The following APOD variants were observed in gnomAD, a reference collection of about 807,000 sequenced individuals.
APOD encodes apolipoprotein D, also known as apo-D.
A neutral mutation model predicts 20.4 loss-of-function variants in APOD; 22 were observed. The ratio of observed to expected loss-of-function variants is 1.08; its 90% CI spans 0.77 to 1.54. APOD has a LOEUF of 1.54. Among genes scored for constraint, APOD ranks in the 40% most tolerant of loss-of-function variants. The pLI is 0.00. For missense variants in APOD, 223 were observed against 229.6 expected (o/e 0.97, Z 0.19); for synonymous variants, 97 against 92.4 (o/e 1.05, Z -0.29).
intron 2 of APOD, among the ~76,000 whole-genome samples, chr3:195,578,920 C>T (rs902489669): frequency 3.9e-5 from 6 of 152,222 alleles, no homozygotes; most frequent in African/African-American, 4.8e-5. Context: ...GCCAGCCTCC[C>T]ACCTGAGACC....
At chr3:195,574,562 G>A (rs139297679) in intron 2 of APOD, among the ~76,000 whole-genome samples, 6 of 152,272 alleles carry the variant, frequency 3.9e-5, no homozygotes, top group Admixed American at 6.5e-5. Flanking sequence ...CCTGGCACGC[G>A]TTGCAGGGAG....
chr3:195,579,580 T>TC (rs1720301408), intron 1 of APOD, 85 bp from the exon 2 acceptor site: 3 of 1,433,576 alleles, frequency 2.1e-6, no homozygotes, highest in Non-Finnish European at 2.8e-6. Context: ...GTGCCCATGG[T>TC]CCCCTCTGTG....
intron 4 of APOD, chr3:195,570,994 C>T: frequency 2.1e-6 from 1 of 469,320 alleles, no homozygotes; most frequent in South Asian, 2.5e-5. Flanking sequence ...TGTGCACCTA[C>T]TTGTGTTTCA....
At chr3:195,571,124 T>G (rs971395831) in intron 4 of APOD, 153 bp downstream of exon 4, 1 of 720,932 alleles carries the variant, frequency 1.4e-6, no homozygotes, top group Admixed American at 2.1e-5. Context: ...GCAACCCTAG[T>G]GCGTGACATG....
intron 4 of APOD, chr3:195,570,654 TAGAA>T (rs1293979193): frequency 6.5e-6 from 1 of 152,934 alleles, no homozygotes; most frequent in African/African-American, 2.4e-5. Context: ...CTCTTCGTGT[TAGAA>T]AGCCTCACAG....
rs1553889309 is a variant in APOD, at chr3:195,568,837, G to GCGGGGT, written c.*62_*63insACCCCG. 6.1e-6 allele frequency: 6 copies of GCGGGGT among 982,922 alleles called. No individual in the cohort carries two copies. In the African/African-American group the frequency reaches 1.1e-4, roughly 19 times the overall value. 60.9% of individuals were successfully genotyped at this position (982,922 alleles called of 1,614,324 possible). The stretch of plus-strand genomic sequence containing the variant: ...GTTGATTGGTTTGTCTTTATGGGGG[G>GCGGGGT]GGGGTAGGGGAAAGCGAAGCAGAAG... On this transcript the variant is annotated 3_prime_UTR_variant, in exon 5 of 5. Transcript: ENST00000343267.
intron 2 of APOD, chr3:195,577,162 G>T: frequency 2.9e-6 from 1 of 350,022 alleles, no homozygotes; most frequent in East Asian, 1.2e-4. Flanking sequence ...ACTCCACCCT[G>T]GGTGACAAAG....
At chr3:195,577,053 G>A (rs1305508964) in intron 2 of APOD, 3 of 260,516 alleles carry the variant, frequency 1.2e-5, no homozygotes, top group Non-Finnish European at 2.3e-5. Context: ...TGGGTGTGGT[G>A]GCGTGTACCT....
rs142189206 is a variant in APOD at position 195,568,837 on chromosome 3, G to GGT, written c.*62_*63insAC. 4.4e-5 allele frequency: 43 copies of GGT among 982,878 alleles called. 1 individual carries two copies. The highest frequency in any genetic ancestry group is 4.9e-4 in the Middle Eastern group (2 of 4,058). The allele number at this position is 982,878 out of a possible 1,614,324, so 60.9% of individuals were successfully genotyped here. On this transcript the variant is annotated 3_prime_UTR_variant, in exon 5 of 5. Transcript: ENST00000343267. ...GTTGATTGGTTTGTCTTTATGGGGG[G>GGT]GGGGTAGGGGAAAGCGAAGCAGAAG...
In APOD at chr3:195,569,101, G is replaced by A. The variant is rs138771984; in HGVS notation, c.369C>T (p.Thr123=). 63 of 1,614,122 alleles carry A rather than the reference G, an allele frequency of 3.9e-5. No homozygotes were observed. Among genetic ancestry groups the A allele is most frequent in the Middle Eastern group, 1.6e-4 (1 of 6,062 alleles). The change falls in exon 5 of 5, where the codon ACC becomes ACT. Residue 123 remains threonine (T), a synonymous_variant. Coordinates refer to ENST00000343267, the MANE Select transcript of APOD (RefSeq NM_001647.4). Reference sequence around the variant, plus strand: ...ACACGAGGGCATAGTTCTCATAGTCGGTGGCCAGGATCCAGTACGGTGCCG... The same window carrying A: ...ACACGAGGGCATAGTTCTCATAGTCAGTGGCCAGGATCCAGTACGGTGCCG... ...MPSAPYWILA[T]DYENYALVYS...
chr3:195,582,824 T>C (rs1277964463), intron 1 of APOD: 1 of 151,940 alleles, frequency 6.6e-6, no homozygotes, highest in Non-Finnish European at 1.5e-5. Flanking sequence ...TCCCAGCTAC[T>C]TGGGAGGCTG....
At chr3:195,573,224 C>T (rs181248735) in intron 3 of APOD, among the ~76,000 whole-genome samples, 1 of 152,296 alleles carries the variant, frequency 6.6e-6, no homozygotes, top group Non-Finnish European at 1.5e-5. Flanking sequence ...TTTGTATTTT[C>T]AAGAGTGGAA....
At chr3:195,572,027 T>C (rs949284407) in intron 3 of APOD, among the ~76,000 whole-genome samples, 1 of 152,166 alleles carries the variant, frequency 6.6e-6, no homozygotes, top group Non-Finnish European at 1.5e-5. Flanking sequence ...GCAATCTACC[T>C]GCCTCAGCCT....
intron 4 of APOD, 95 bp downstream of exon 4, chr3:195,571,182 A>G (rs762979354): frequency 2.0e-6 from 2 of 1,005,250 alleles, no homozygotes; most frequent in African/African-American, 3.2e-5. Flanking sequence ...TATAGATGAC[A>G]CTCAGGTGTC....
At chr3:195,574,417 TG>T (rs1194468111) in intron 2 of APOD, among the ~76,000 whole-genome samples, 3 of 151,970 alleles carry the variant, frequency 2.0e-5, no homozygotes, top group African/African-American at 7.3e-5. Context: ...GGAGAGGTGG[TG>T]GGGATTTGAA....
chr3:195,570,917 A>T (rs549927700), intron 4 of APOD: 1 of 255,330 alleles, frequency 3.9e-6, no homozygotes, highest in Admixed American at 4.7e-5. Flanking sequence ...AATATCTGCT[A>T]ATGTTTCGGG....
Position 195,579,613 on chromosome 3 carries a change from C to G in APOD, c.-34-118G>C. ...GTGGGCGGTCCCTCCTCTTCTCTCC[C>G]CAGCCCATGTGAACCCTCATCCTGC... is the stretch of plus-strand genomic sequence containing the variant. On this transcript the variant is annotated intron_variant, in intron 1 of 4. Transcript: ENST00000343267. The G allele has an allele frequency of 2.7e-6, 3 of 1,115,672 alleles. No homozygotes were observed. The South Asian group carries it at 4.6e-5, about 17-fold the overall frequency. 69.1% of individuals were successfully genotyped at this position (1,115,672 alleles called of 1,614,324 possible).
intron 4 of APOD, among the ~76,000 whole-genome samples, chr3:195,570,002 T>C (rs1720132680): frequency 6.6e-6 from 1 of 152,054 alleles, no homozygotes; most frequent in Middle Eastern, 3.2e-3. Flanking sequence ...GGTTTCACCA[T>C]GTCGGCCAGG....
rs925980803 is a variant in APOD, at chr3:195,568,778, T to C, written c.*122A>G. 39 of 717,172 alleles carry C rather than the reference T, an allele frequency of 5.4e-5. No individual in the cohort carries two copies. The African/African-American group carries it at 6.7e-4, about 12-fold the overall frequency. The allele number at this position is 717,172 out of a possible 1,614,324, so 44.4% of individuals were successfully genotyped here. A position where few individuals can be genotyped will look rare whatever the true frequency, so the allele number is the denominator to read the frequency against. ...GCTAGCAAGGTAACAGGGTAGGGCA[T>C]GGTTACATGTTCAGGTCAACTTCCT... is the stretch of plus-strand genomic sequence containing the variant. On this transcript the variant is annotated 3_prime_UTR_variant, in exon 5 of 5. Transcript: ENST00000343267.
Sources: gnomAD v4.1 joint callset for allele counts (sites outside exome capture counted in the v4.1 genomes callset) on GRCh38, gnomAD v4.1.1 for gene constraint, MANE v1.5 for transcripts, NCBI Gene and HGNC (gene_info 2026-07-23, HGNC 2026-07-21) for gene names.